The following SLC24A2 variants were observed in gnomAD, a reference collection of about 807,000 sequenced individuals.
The protein encoded by SLC24A2 is solute carrier family 24 member 2, also known as sodium/potassium/calcium exchanger 2.
A neutral mutation model predicts 62.0 loss-of-function variants in SLC24A2; 36 were observed. That is an observed-to-expected ratio of 0.58 (90% CI 0.44 to 0.77). The LOEUF (loss-of-function observed/expected upper bound fraction) is 0.77. Ranked by LOEUF, SLC24A2 falls within the 30% of genes least tolerant of loss-of-function variation. The pLI is 0.00. For synonymous variants in SLC24A2, 358 were observed against 294.0 expected, an observed-to-expected ratio of 1.22 and a Z score of -2.23; for missense variants, 846 against 817.9, an observed-to-expected ratio of 1.03 and a Z score of -0.42.
intron 2 of SLC24A2, among the ~76,000 whole-genome samples, chr9:19,657,391 C>A (rs1818971959): frequency 6.6e-6 from 1 of 151,814 alleles, no homozygotes; most frequent in South Asian, 2.1e-4. Flanking sequence ...ATTTTTTATT[C>A]ATTTTACCTT....
At chr9:19,542,061 G>A (rs900918840) in intron 8 of SLC24A2, among the ~76,000 whole-genome samples, 5 of 152,136 alleles carry the variant, frequency 3.3e-5, no homozygotes, top group East Asian at 1.9e-4. Flanking sequence ...GCCCTGCTTC[G>A]GCTCGCGCAC....
At chr9:20,078,322 C>A in the SLC24A2 span, among the ~76,000 whole-genome samples, 2 of 149,338 alleles carry the variant, frequency 1.3e-5, no homozygotes, top group Non-Finnish European at 3.0e-5. Context: ...ACCCCCACTC[C>A]CCAACCCCCA....
the SLC24A2 span, among the ~76,000 whole-genome samples, chr9:19,823,375 G>A: frequency 2.6e-5 from 4 of 151,914 alleles, no homozygotes; most frequent in Middle Eastern, 3.2e-3. Context: ...AGTTATAGGC[G>A]TGATATTCCT....
At chr9:19,871,979 G>A in the SLC24A2 span, among the ~76,000 whole-genome samples, 1 of 151,932 alleles carries the variant, frequency 6.6e-6, no homozygotes, top group African/African-American at 2.4e-5. Context: ...TTTGGTCCTA[G>A]TACATAGTCC....
chr9:20,267,497 G>A, the SLC24A2 span, among the ~76,000 whole-genome samples: 2 of 152,140 alleles, frequency 1.3e-5, no homozygotes, highest in Non-Finnish European at 2.9e-5. Context: ...CTCTTTGGTG[G>A]TAGGAGAAGA....
intron 1 of SLC24A2, among the ~76,000 whole-genome samples, chr9:19,787,621 A>G (rs1194413380): frequency 6.6e-6 from 1 of 152,216 alleles, no homozygotes; most frequent in Non-Finnish European, 1.5e-5. Flanking sequence ...CTCCTTTATC[A>G]GATGCGGGAA....
the SLC24A2 span, among the ~76,000 whole-genome samples, chr9:19,982,941 A>G: frequency 6.6e-6 from 1 of 152,216 alleles, no homozygotes; most frequent in African/African-American, 2.4e-5. Context: ...TGTGGAAAAA[A>G]GATTTGACAA....
At chr9:19,897,700 G>A in the SLC24A2 span, among the ~76,000 whole-genome samples, 15 of 152,080 alleles carry the variant, frequency 9.9e-5, no homozygotes, top group East Asian at 1.9e-4. Context: ...CCATTTTATC[G>A]TCAATAACCC....
At chr9:20,157,735 A>C in the SLC24A2 span, among the ~76,000 whole-genome samples, 1 of 151,602 alleles carries the variant, frequency 6.6e-6, no homozygotes, top group Non-Finnish European at 1.5e-5. Context: ...AAAGAGAAAT[A>C]AAAAGGAAAA....
chr9:19,773,151 C>A (rs886769464), intron 2 of SLC24A2, among the ~76,000 whole-genome samples: 1 of 152,124 alleles, frequency 6.6e-6, no homozygotes, highest in Non-Finnish European at 1.5e-5. Context: ...CTACTGGGGG[C>A]TGGGCAGAGG....
intron 5 of SLC24A2, among the ~76,000 whole-genome samples, chr9:19,595,838 A>G (rs532903113): frequency 1.6e-4 from 24 of 152,278 alleles, no homozygotes; most frequent in African/African-American, 5.3e-4. Context: ...GGATGCTAAC[A>G]AACTCCCCCT....
chr9:19,737,897 C>T (rs145889172), intron 2 of SLC24A2, among the ~76,000 whole-genome samples: 221 of 152,140 alleles, frequency 1.5e-3, no homozygotes, highest in African/African-American at 5.2e-3. Flanking sequence ...AAAAGAATCA[C>T]CATGAAGCTT....
At chr9:20,168,457 G>A in the SLC24A2 span, among the ~76,000 whole-genome samples, 1 of 151,762 alleles carries the variant, frequency 6.6e-6, no homozygotes, top group African/African-American at 2.4e-5. Flanking sequence ...TAAAAATCAT[G>A]TATCTGCTAA....
At position 19,525,391 on chromosome 9, in the gene SLC24A2, C is replaced by CTTTTTT. The variant is rs572919824; in HGVS notation, c.1569+2652_1569+2657dup. On this transcript the variant is annotated intron_variant, in intron 9 of 10. Coordinates refer to ENST00000341998, the MANE Select transcript of SLC24A2 (RefSeq NM_020344.4). ...AAGGTTTTTTTTTCCTATTTCTTTA[C>CTTTTTT]TTTTTTTTTTTTTTTTTTTTTTTTT... 2.5e-3 allele frequency among the ~76,000 whole-genome samples: 188 copies of CTTTTTT among 76,360 alleles called. 11 individuals carry two copies. Among genetic ancestry groups the CTTTTTT allele is most frequent in the East Asian group, 6.3e-3 (15 of 2,370 alleles). The allele number at this position is 76,360 out of a possible 152,430, so 50.1% of individuals were successfully genotyped here.
At chr9:19,716,409 A>T (rs74751885) in intron 2 of SLC24A2, among the ~76,000 whole-genome samples, 132 of 152,280 alleles carry the variant, frequency 8.7e-4, no homozygotes, top group African/African-American at 2.4e-3. Context: ...GTGGGTCCCA[A>T]TGATAGATAG....
chr9:20,099,713 A>G, the SLC24A2 span, among the ~76,000 whole-genome samples: 3 of 152,210 alleles, frequency 2.0e-5, no homozygotes, highest in African/African-American at 4.8e-5. Context: ...TCCTGCCTCC[A>G]AAGTAGACTA....
the SLC24A2 span, among the ~76,000 whole-genome samples, chr9:19,879,668 C>T: frequency 2.0e-5 from 3 of 152,066 alleles, no homozygotes; most frequent in Non-Finnish European, 2.9e-5. Flanking sequence ...GTAGGGGGCA[C>T]GCTGATTAGA....
chr9:19,571,176 C>T (rs924492229), intron 7 of SLC24A2, among the ~76,000 whole-genome samples: 3 of 152,154 alleles, frequency 2.0e-5, no homozygotes, highest in Non-Finnish European at 4.4e-5. Context: ...TGCTGCCACA[C>T]GCTGCTTATC....
rs74691701 is a variant in SLC24A2, at chr9:19,679,221, CT to C, written c.931-56923del. Among the ~76,000 whole-genome samples, 1,424 of 152,238 alleles carry C rather than the reference CT, an allele frequency of 9.4e-3. 30 individuals are homozygous for C. Among genetic ancestry groups the C allele is most frequent in the East Asian group, 0.091 (473 of 5,172 alleles). ...TATACATACCAAAGGGCAATAGTGT[CT>C]TTAGGTTTATTACATTATCAATATT... On this transcript the variant is annotated intron_variant, in intron 2 of 10. Coordinates refer to ENST00000341998, the MANE Select transcript of SLC24A2 (RefSeq NM_020344.4).
Sources: allele counts gnomAD v4.1 joint callset (sites outside exome capture counted in the v4.1 genomes callset), GRCh38; gene constraint gnomAD v4.1.1; transcripts MANE v1.5; gene names NCBI Gene and HGNC (gene_info 2026-07-23, HGNC 2026-07-21).